The following CORO2A variants were observed in gnomAD, a reference collection of about 807,000 sequenced individuals.
CORO2A encodes coronin-2A.
CORO2A carries 47 observed loss-of-function variants against 62.4 expected under a neutral mutation model. The ratio of observed to expected loss-of-function variants is 0.75; its 90% confidence interval spans 0.60 to 0.96. CORO2A has a LOEUF of 0.96. Ranked by LOEUF, CORO2A falls within the 40% of genes least tolerant of loss-of-function variation. CORO2A has a pLI of 0.00. For synonymous variants in CORO2A, 273 were observed against 268.9 expected (o/e 1.02, Z -0.15); for missense variants, 610 against 684.1 (o/e 0.89, Z 1.21).
At chr9:98,187,724 T>G (rs1828257287) in intron 1 of CORO2A, among the ~76,000 whole-genome samples, 1 of 152,152 alleles carries the variant, frequency 6.6e-6, no homozygotes, top group Non-Finnish European at 1.5e-5. Flanking sequence ...GCCCCACCTC[T>G]TAATACCATC....
intron 2 of CORO2A, among the ~76,000 whole-genome samples, chr9:98,153,668 A>ACACACACACACACACACACACACACACT (rs1564208879): frequency 7.9e-5 from 12 of 151,086 alleles, no homozygotes; most frequent in African/African-American, 2.9e-4. Context: ...ACACACACAC[A>ACACACACACACACACACACACACACACT]CACACACACA....
chr9:98,131,835 C>G (rs1368903496), intron 6 of CORO2A, among the ~76,000 whole-genome samples: 1 of 152,134 alleles, frequency 6.6e-6, no homozygotes, highest in Non-Finnish European at 1.5e-5. Context: ...GCTCCTTCTC[C>G]CCATACCCGT....
intron 1 of CORO2A, among the ~76,000 whole-genome samples, chr9:98,187,362 G>C (rs7034562): frequency 0.34 from 51,419 of 149,072 alleles, 10,238 homozygotes; most frequent in African/African-American, 0.56. Context: ...AGGAGGCTGA[G>C]ATGGGAGAAT....
chr9:98,133,121 T>G lies in CORO2A; in HGVS notation c.565A>C (p.Asn189His), dbSNP rs757199450. ...HQDVILSMSFNTNGSLLATTC... is the reference protein window; with the variant it reads ...HQDVILSMSFHTNGSLLATTC... ...GTGGCCAACAGGCTGCCGTTGGTGT[T>G]GAAGGACATGGAGAGGATCACATCT... The change falls in exon 5 of 12, where the codon AAC (asparagine) becomes CAC (histidine). Residue 189 changes from asparagine to histidine, a missense_variant. By Grantham distance (68) the Asn-to-His change is moderately conservative (BLOSUM62 1). Transcript: ENST00000375077. The G allele has an allele frequency of 3.7e-6, 6 of 1,614,196 alleles. No individual in the cohort carries two copies. Among genetic ancestry groups the G allele is most frequent in the Non-Finnish European group, 5.1e-6 (6 of 1,180,026 alleles).
chr9:98,158,396 A>G (rs1827836285), intron 1 of CORO2A, among the ~76,000 whole-genome samples: 1 of 152,216 alleles, frequency 6.6e-6, no homozygotes, highest in African/African-American at 2.4e-5. Context: ...TACTTGATCA[A>G]CAGTGGCAAT....
intron 1 of CORO2A, among the ~76,000 whole-genome samples, chr9:98,166,366 G>A (rs2118898473): frequency 6.6e-6 from 1 of 152,266 alleles, no homozygotes; most frequent in South Asian, 2.1e-4. Context: ...TAGACAAATT[G>A]TATTCATGGA....
intron 10 of CORO2A, 30 bp downstream of exon 10, chr9:98,128,140 T>C: frequency 6.4e-7 from 1 of 1,573,616 alleles, no homozygotes; most frequent in South Asian, 1.1e-5. Flanking sequence ...CCTGTCACAT[T>C]TGCCTGGGCC....
Position 98,155,790 on chromosome 9 carries a change from A to G in CORO2A, c.201+1670T>C, listed in dbSNP as rs1195942207. On this transcript the variant is annotated intron_variant, in intron 2 of 11. Transcript: ENST00000375077. ...AATGTTCTCAAATTTATTGGCATAC[A>G]GTTGCTTGTATTAGTTCTTATTAGA... 2.0e-5 allele frequency among the ~76,000 whole-genome samples: 3 copies of G among 152,142 alleles called. No homozygotes were observed. In the East Asian group the frequency reaches 5.8e-4, roughly 29 times the overall value.
At chr9:98,187,650 C>T (rs1262437802) in intron 1 of CORO2A, among the ~76,000 whole-genome samples, 3 of 152,194 alleles carry the variant, frequency 2.0e-5, no homozygotes, top group Admixed American at 6.5e-5. Flanking sequence ...TCTGGGGCCT[C>T]TTTTATAAGA....
intron 1 of CORO2A, among the ~76,000 whole-genome samples, chr9:98,164,450 T>A (rs1370682567): frequency 6.6e-6 from 1 of 152,212 alleles, no homozygotes; most frequent in Non-Finnish European, 1.5e-5. Context: ...GAGTGGGATA[T>A]CTGGCTCTGA....
At chr9:98,148,513 G>A (rs1398731136) in intron 2 of CORO2A, among the ~76,000 whole-genome samples, 1 of 149,076 alleles carries the variant, frequency 6.7e-6, no homozygotes, top group Non-Finnish European at 1.5e-5. Context: ...TTTGGGGTGG[G>A]TGGATCACTT....
At chr9:98,132,937 G>A in intron 5 of CORO2A, 101 bp downstream of exon 5, 1 of 1,362,164 alleles carries the variant, frequency 7.3e-7, no homozygotes, top group South Asian at 1.3e-5. Context: ...GCGCAGCCCA[G>A]ACGCTGACAG....
chr9:98,157,429 G>A, intron 2 of CORO2A, 31 bp downstream of exon 2: 9 of 1,609,338 alleles, frequency 5.6e-6, no homozygotes, highest in Non-Finnish European at 7.7e-6. Context: ...CCTGCCTCCA[G>A]AGAGCTGTTT....
At chr9:98,131,105 G>T in intron 6 of CORO2A, 46 bp from the exon 7 acceptor site, 1 of 1,314,876 alleles carries the variant, frequency 7.6e-7, no homozygotes, top group Admixed American at 1.9e-5. Flanking sequence ...ACTCCTGGGG[G>T]CCCTCAGTGG....
At chr9:98,189,172 G>A (rs1214016601) in intron 1 of CORO2A, among the ~76,000 whole-genome samples, 5 of 152,124 alleles carry the variant, frequency 3.3e-5, no homozygotes, top group African/African-American at 7.2e-5. Flanking sequence ...CATACTGGCC[G>A]TTTCATGTGG....
At chr9:98,159,738 A>G (rs1026880635) in intron 1 of CORO2A, among the ~76,000 whole-genome samples, 1 of 151,610 alleles carries the variant, frequency 6.6e-6, no homozygotes, top group Non-Finnish European at 1.5e-5. Flanking sequence ...AGCCCTTGAC[A>G]CTGTCTACCC....
chr9:98,152,842 A>T (rs1827745491), intron 2 of CORO2A, among the ~76,000 whole-genome samples: 1 of 152,326 alleles, frequency 6.6e-6, no homozygotes, highest in Non-Finnish European at 1.5e-5. Context: ...AAAAATGTTA[A>T]TATCATGAAG....
chr9:98,126,431 A>C, intron 11 of CORO2A, 118 bp downstream of exon 11: 1 of 1,349,018 alleles, frequency 7.4e-7, no homozygotes, highest in Non-Finnish European at 1.0e-6. Context: ...TGACTAGGCC[A>C]GGCCACACAG....
At chr9:98,132,380 G>A in intron 5 of CORO2A, 79 bp from the exon 6 acceptor site, 2 of 1,181,476 alleles carry the variant, frequency 1.7e-6, no homozygotes, top group Non-Finnish European at 2.5e-6. Flanking sequence ...TCCCTGCTTT[G>A]CTTATGCCAC....
Sources: gnomAD v4.1 joint callset for allele counts (sites outside exome capture counted in the v4.1 genomes callset) on GRCh38, gnomAD v4.1.1 for gene constraint, MANE v1.5 for transcripts, NCBI Gene and HGNC (gene_info 2026-07-23, HGNC 2026-07-21) for gene names.